Variants in RAD54B observed in about 807,000 individuals in gnomAD.
RAD54B encodes the protein DNA repair and recombination protein RAD54B.
A neutral mutation model predicts 95.8 loss-of-function variants in RAD54B; 78 were observed. The ratio of observed to expected loss-of-function variants is 0.81; its 90% CI spans 0.68 to 0.98. RAD54B has a LOEUF of 0.98. RAD54B is among the 50% of genes least tolerant of loss of function. The pLI is 0.00. For missense variants in RAD54B, 957 were observed against 1,056.6 expected, an observed-to-expected ratio of 0.91 and a Z score of 1.31; for synonymous variants, 328 against 354.9, an observed-to-expected ratio of 0.92 and a Z score of 0.85.
chr8:94,431,463 GA>G, intron 3 of RAD54B: 7 of 981,876 alleles, frequency 7.1e-6, no homozygotes, highest in Non-Finnish European at 8.5e-6. Context: ...TAAATCTAGA[GA>G]ATGTTTTAGT....
intron 3 of RAD54B, among the ~76,000 whole-genome samples, chr8:94,449,513 A>G (rs1237207839): frequency 6.6e-6 from 1 of 151,688 alleles, no homozygotes; most frequent in Non-Finnish European, 1.5e-5. Flanking sequence ...GGAGCCTGAG[A>G]CAGGAGAATC....
At chr8:94,443,629 C>T (rs1380926505) in intron 3 of RAD54B, among the ~76,000 whole-genome samples, 1 of 151,916 alleles carries the variant, frequency 6.6e-6, no homozygotes, top group African/African-American at 2.4e-5. Context: ...ATGTAAAACA[C>T]AGATTTACTG....
intron 4 of RAD54B, 122 bp from the exon 5 acceptor site, chr8:94,407,842 T>C: frequency 1.5e-6 from 1 of 654,934 alleles, no homozygotes; most frequent in South Asian, 3.5e-5. Flanking sequence ...TTAGCCAAAA[T>C]GGAAGCATAA....
intron 6 of RAD54B, among the ~76,000 whole-genome samples, chr8:94,402,966 G>A (rs144334316): frequency 1.3e-5 from 2 of 152,172 alleles, no homozygotes; most frequent in African/African-American, 4.8e-5. Flanking sequence ...GAATGTGAGA[G>A]AGAAGAAATC....
intron 2 of RAD54B, among the ~76,000 whole-genome samples, chr8:94,459,894 C>T (rs1812865674): frequency 6.6e-6 from 1 of 151,450 alleles, no homozygotes; most frequent in Non-Finnish European, 1.5e-5. Context: ...CGCAGTGGCT[C>T]ACACCTGTAA....
intron 3 of RAD54B, chr8:94,429,800 A>T (rs1812040984): frequency 1.0e-6 from 1 of 985,244 alleles, no homozygotes; most frequent in South Asian, 4.7e-5. Context: ...CCCTCTTTTT[A>T]ATCCAACCAA....
intron 3 of RAD54B, among the ~76,000 whole-genome samples, chr8:94,415,495 A>G (rs1811640688): frequency 6.8e-6 from 1 of 147,812 alleles, no homozygotes; most frequent in African/African-American, 2.5e-5. Flanking sequence ...AGCAATGGCA[A>G]CAAAAGCCAA....
chr8:94,417,676 GAA>G (rs1160213949), intron 3 of RAD54B, among the ~76,000 whole-genome samples: 1 of 150,448 alleles, frequency 6.6e-6, no homozygotes, highest in Non-Finnish European at 1.5e-5. Flanking sequence ...AAAAGAAGAA[GAA>G]GAAGAAAGAA....
intron 14 of RAD54B, among the ~76,000 whole-genome samples, chr8:94,376,362 T>G (rs1170361421): frequency 6.6e-6 from 1 of 152,022 alleles, no homozygotes; most frequent in African/African-American, 2.4e-5. Flanking sequence ...AATGAAAGAC[T>G]GTATATCAAA....
chr8:94,449,783 C>T (rs1246668965), intron 3 of RAD54B, among the ~76,000 whole-genome samples: 1 of 151,988 alleles, frequency 6.6e-6, no homozygotes, highest in Non-Finnish European at 1.5e-5. Context: ...TTTTTTAGTA[C>T]CTTTAGGACC....
intron 3 of RAD54B, chr8:94,431,373 G>C (rs1355354643): frequency 1.0e-6 from 1 of 984,302 alleles, no homozygotes; most frequent in Non-Finnish European, 1.2e-6. Flanking sequence ...AGAGAATGGG[G>C]GTAATTGATG....
Position 94,387,158 on chromosome 8 carries a change from T to C in RAD54B, c.1811A>G (p.Glu604Gly), listed in dbSNP as rs750599224. 4 of 1,576,380 alleles carry C rather than the reference T, an allele frequency of 2.5e-6. No individual in the cohort carries two copies. Among genetic ancestry groups the C allele is most frequent in the East Asian group, 2.3e-5 (1 of 43,780 alleles). Residue 604 changes from glutamate (E) to glycine (G), a missense_variant and splice_region_variant, in exon 11 of 15, where the codon GAA becomes GGA. Physicochemically the swap from Glu to Gly is moderately conservative, Grantham distance 98 (BLOSUM62 -2). Coordinates refer to ENST00000336148, the MANE Select transcript of RAD54B (RefSeq NM_012415.3). ...ATCACAAGTTGAGCTACATTCCTTT[T>C]CCTATTCAAAATGATGATTGTTAAT... ...HPCLLFNSIK[E>G]KECSSTCDKN...
At chr8:94,428,618 T>C (rs1812003036) in intron 3 of RAD54B, 2 of 633,892 alleles carry the variant, frequency 3.2e-6, no homozygotes, top group Non-Finnish European at 3.9e-6. Flanking sequence ...TACCGTCTTT[T>C]TAAATTTCGT....
At chr8:94,466,015 T>C (rs1813015864) in intron 2 of RAD54B, among the ~76,000 whole-genome samples, 1 of 152,080 alleles carries the variant, frequency 6.6e-6, no homozygotes, top group South Asian at 2.1e-4. Flanking sequence ...GTGGAGAGAA[T>C]GGGGAGTTAA....
Position 94,452,876 on chromosome 8 carries a change from ACT to A in RAD54B, c.304+5390_304+5391del, listed in dbSNP as rs1212117045. On this transcript the variant is annotated intron_variant, in intron 3 of 14. Transcript: ENST00000336148. ...TAAATTGAAAGCACAACAAAATAAC[ACT>A]GTTTAACTTAGATTGTCAAATATCA... Among the ~76,000 whole-genome samples, 12 of 152,312 alleles carry A rather than the reference ACT, an allele frequency of 7.9e-5. No individual in the cohort carries two copies. The East Asian group carries it at 2.3e-3, about 29-fold the overall frequency.
At chr8:94,424,250 C>T (rs954572384) in intron 3 of RAD54B, among the ~76,000 whole-genome samples, 14 of 152,196 alleles carry the variant, frequency 9.2e-5, no homozygotes, top group Non-Finnish European at 1.6e-4. Flanking sequence ...CTGCCTCTTA[C>T]TAGCTCTATG....
intron 2 of RAD54B, among the ~76,000 whole-genome samples, chr8:94,463,683 G>C (rs1263633886): frequency 1.3e-5 from 2 of 151,922 alleles, no homozygotes; most frequent in African/African-American, 4.8e-5. Flanking sequence ...TTAGAGACCA[G>C]CCTGGGCAAC....
intron 1 of RAD54B, among the ~76,000 whole-genome samples, chr8:94,469,848 T>C (rs760864828): frequency 5.9e-5 from 9 of 152,206 alleles, no homozygotes; most frequent in Non-Finnish European, 1.2e-4. Context: ...CCTACTTCAT[T>C]TGAAAACAGT....
At chr8:94,384,729 A>G (rs1810828951) in intron 11 of RAD54B, among the ~76,000 whole-genome samples, 1 of 152,218 alleles carries the variant, frequency 6.6e-6, no homozygotes, top group African/African-American at 2.4e-5. Context: ...AATGTGAAGC[A>G]ACAGAACAAA....
Sources: allele counts gnomAD v4.1 joint callset (sites outside exome capture counted in the v4.1 genomes callset), GRCh38; gene constraint gnomAD v4.1.1; transcripts MANE v1.5; gene names NCBI Gene and HGNC (gene_info 2026-07-23, HGNC 2026-07-21).